CHLSN: variants seen among roughly 807,000 people sequenced by gnomAD.
CHLSN encodes cholesin, also known as protein cholesin.
chr7:1,136,680 T>C, the CHLSN span, among the ~76,000 whole-genome samples: 6 of 148,300 alleles, frequency 4.0e-5, no homozygotes, highest in Non-Finnish European at 7.4e-5. Context: ...TAACTATATA[T>C]ATAACCATAT....
At chr7:1,028,928 AT>A in the CHLSN span, 1 of 405,228 alleles carries the variant, frequency 2.5e-6, no homozygotes, top group Non-Finnish European at 2.8e-6. Context: ...GTCTGCCCCC[AT>A]CTCCCCTGCC....
chr7:1,133,866 G>A, the CHLSN span, among the ~76,000 whole-genome samples: 26 of 152,218 alleles, frequency 1.7e-4, no homozygotes, highest in Middle Eastern at 3.4e-3. Context: ...GAACACAGTG[G>A]CATAATCACA....
the CHLSN span, among the ~76,000 whole-genome samples, chr7:1,133,670 C>T: frequency 1.3e-5 from 2 of 149,958 alleles, no homozygotes; most frequent in African/African-American, 4.9e-5. Flanking sequence ...AGGAGAATGG[C>T]GCGAACACGG....
chr7:1,086,524 A>G, the CHLSN span, among the ~76,000 whole-genome samples: 1 of 152,256 alleles, frequency 6.6e-6, no homozygotes, highest in Non-Finnish European at 1.5e-5. Flanking sequence ...CTGTTTAGGA[A>G]ATGTGTGTAT....
chr7:1,136,313 T>C, the CHLSN span, among the ~76,000 whole-genome samples: 10 of 104,378 alleles, frequency 9.6e-5, 1 homozygote, highest in African/African-American at 1.8e-4. Flanking sequence ...TATAAATATA[T>C]ATAAACATAA....
chr7:1,068,148 G>A, the CHLSN span, among the ~76,000 whole-genome samples: 1 of 152,190 alleles, frequency 6.6e-6, no homozygotes, highest in East Asian at 1.9e-4. Context: ...GCAAAGCCTT[G>A]AGACACGGAT....
At chr7:1,045,653 C>CA in the CHLSN span, 4 of 152,258 alleles carry the variant, frequency 2.6e-5, no homozygotes, top group South Asian at 2.1e-4. Context: ...AGTGCACACT[C>CA]ACAGTACCCA....
chr7:1,071,553 A>T, the CHLSN span, among the ~76,000 whole-genome samples: 3 of 82,402 alleles, frequency 3.6e-5, no homozygotes, highest in Non-Finnish European at 8.2e-5. Flanking sequence ...AGCAGGCAGG[A>T]GAGGGAGGAA....
At chr7:992,215 AG>A in the CHLSN span, among the ~76,000 whole-genome samples, 1 of 152,208 alleles carries the variant, frequency 6.6e-6, no homozygotes, top group Non-Finnish European at 1.5e-5. Flanking sequence ...TCTCCAGGGA[AG>A]GACCCTCCTG....
At chr7:985,324 G>T in the CHLSN span, 12 of 1,549,288 alleles carry the variant, frequency 7.7e-6, no homozygotes, top group Admixed American at 2.2e-4. Flanking sequence ...TGGCCTGCAG[G>T]TGAGGAGCTG....
At chr7:979,835 G>A in the CHLSN span, among the ~76,000 whole-genome samples, 1 of 152,172 alleles carries the variant, frequency 6.6e-6, no homozygotes, top group African/African-American at 2.4e-5. Flanking sequence ...CCCAGTCACT[G>A]AGGCAGGGCG....
chr7:1,127,376 G>A, the CHLSN span: 5 of 1,605,938 alleles, frequency 3.1e-6, no homozygotes, highest in Non-Finnish European at 3.4e-6. Context: ...TTTCTCTTCT[G>A]TTTTGCCATC....
At chr7:1,136,277 A>AC in the CHLSN span, among the ~76,000 whole-genome samples, 2 of 113,920 alleles carry the variant, frequency 1.8e-5, no homozygotes, top group African/African-American at 3.7e-5. Flanking sequence ...AAATATATAA[A>AC]ATATATATAA....
chr7:1,008,838 C>T, the CHLSN span, among the ~76,000 whole-genome samples: 1 of 127,566 alleles, frequency 7.8e-6, no homozygotes, highest in African/African-American at 3.3e-5. Flanking sequence ...AACGTGTATA[C>T]ACACGCACAC....
chr7:1,077,880 TTCTC>T, the CHLSN span: 1 of 152,224 alleles, frequency 6.6e-6, no homozygotes, highest in African/African-American at 2.4e-5. Context: ...TTTGTGTACT[TTCTC>T]TGGGAAGCAG....
At chr7:996,273 G>A in the CHLSN span, among the ~76,000 whole-genome samples, 3 of 152,206 alleles carry the variant, frequency 2.0e-5, no homozygotes, top group East Asian at 1.9e-4. Context: ...CCGTGCTCCC[G>A]CCTCCCGGCT....
At chr7:984,526 G>A in the CHLSN span, 1 of 1,553,496 alleles carries the variant, frequency 6.4e-7, no homozygotes, top group African/African-American at 1.4e-5. Flanking sequence ...GCAGGAGCTG[G>A]CCGACCGGCC....
chr7:1,053,596 G>A, the CHLSN span, among the ~76,000 whole-genome samples: 4 of 152,224 alleles, frequency 2.6e-5, no homozygotes, highest in African/African-American at 4.8e-5. Flanking sequence ...GGGAGGCCGA[G>A]GTGGGCGGAT....
chr7:1,004,255 T>C, the CHLSN span, among the ~76,000 whole-genome samples: 2 of 152,144 alleles, frequency 1.3e-5, no homozygotes, highest in African/African-American at 2.4e-5. Flanking sequence ...ATCTGCCTGC[T>C]GGGGGCTGTT....
Sources: allele counts gnomAD v4.1 joint callset (sites outside exome capture counted in the v4.1 genomes callset), GRCh38; gene constraint gnomAD v4.1.1; transcripts MANE v1.5; gene names NCBI Gene and HGNC (gene_info 2026-07-23, HGNC 2026-07-21).